The following NUP107 variants were observed in gnomAD, a reference collection of about 807,000 sequenced individuals.
NUP107 encodes the protein nuclear pore complex protein Nup107.
NUP107 carries 101 observed loss-of-function variants against 141.0 expected under a neutral mutation model. The ratio of observed to expected loss-of-function variants is 0.72; its 90% CI spans 0.61 to 0.84. NUP107 has a LOEUF of 0.84. Ranked by LOEUF, NUP107 falls within the 40% of genes least tolerant of loss-of-function variation. The pLI is 0.00. For missense variants in NUP107, 941 were observed against 1,102.7 expected (o/e 0.85, Z 2.08); for synonymous variants, 319 against 363.9 (o/e 0.88, Z 1.41).
Position 68,745,282 on chromosome 12 carries a change from C to G in NUP107, c.*2820C>G, listed in dbSNP as rs1878482183. The G allele has an allele frequency of 6.6e-6, 1 of 152,174 alleles. No homozygotes were observed. Among genetic ancestry groups the G allele is most frequent in the Admixed American group, 6.5e-5 (1 of 15,280 alleles). 9.4% of individuals were successfully genotyped at this position (152,174 alleles called of 1,614,324 possible). A position where few individuals can be genotyped will look rare whatever the true frequency, so the allele number is the denominator to read the frequency against. Reference sequence around the variant, plus strand: ...TTAATTTTATGACTGCTGAATTAATCCTAGACTCTGTCTTAAAACTAAGAA... The same window carrying G: ...TTAATTTTATGACTGCTGAATTAATGCTAGACTCTGTCTTAAAACTAAGAA... On this transcript the variant is annotated 3_prime_UTR_variant, in exon 28 of 28. Coordinates refer to ENST00000229179, the MANE Select transcript of NUP107 (RefSeq NM_020401.4).
chr12:68,726,668 C>T (rs2136038607), intron 19 of NUP107, 51 bp downstream of exon 19: 1 of 1,092,986 alleles, frequency 9.1e-7, no homozygotes, highest in Non-Finnish European at 1.4e-6. Context: ...ATGCTATATA[C>T]CTATTGTCAA....
In NUP107 at chr12:68,733,618, A is replaced by T. The variant is rs955215334; in HGVS notation, c.2262+6A>T. ...TGTGCATCAGAGCTTATTTGGTGAGACTGTAAAGAAAGCCACAGATGTGCC... is the reference window on the plus strand; with the variant it reads ...TGTGCATCAGAGCTTATTTGGTGAGTCTGTAAAGAAAGCCACAGATGTGCC... On this transcript the variant is annotated splice_donor_region_variant and intron_variant, in intron 24 of 27. Transcript: ENST00000229179. The T allele has an allele frequency of 3.8e-5, 61 of 1,599,972 alleles. No homozygotes were observed. Among genetic ancestry groups the T allele is most frequent in the Non-Finnish European group, 5.1e-5 (60 of 1,173,784 alleles).
intron 13 of NUP107, 53 bp from the exon 14 acceptor site, chr12:68,719,524 GA>G: frequency 6.4e-7 from 1 of 1,561,200 alleles, no homozygotes; most frequent in Non-Finnish European, 8.8e-7. Flanking sequence ...TTTTTAGAAA[GA>G]ATTGTAATAA....
chr12:68,687,656 G>A, intron 1 of NUP107: 2 of 985,440 alleles, frequency 2.0e-6, no homozygotes, highest in Non-Finnish European at 2.4e-6. Context: ...CCTCAAAGAA[G>A]GTAACTTTCT....
chr12:68,726,598 C>T lies in NUP107; in HGVS notation c.1676C>T (p.Thr559Ile). ...FMTHLILFFR[T>I]LGLQTKEEVS... ...ACTCACCTTATTTTGTTTTTCCGTA[C>T]TCTGGGACTACAGACCAAGGTATAT... The change falls in exon 19 of 28, where the codon ACT (threonine) becomes ATT (isoleucine). Residue 559 changes from threonine to isoleucine, a missense_variant. Coordinates refer to ENST00000229179, the MANE Select transcript of NUP107 (RefSeq NM_020401.4). 2.5e-6 allele frequency: 4 copies of T among 1,609,854 alleles called. No homozygotes were observed. The South Asian group carries it at 3.3e-5, about 13-fold the overall frequency.
At chr12:68,709,742 A>G (rs549846464) in intron 9 of NUP107, among the ~76,000 whole-genome samples, 128 of 152,140 alleles carry the variant, frequency 8.4e-4, no homozygotes, top group Non-Finnish European at 1.1e-3. Context: ...AAAAAAAATT[A>G]GCTGGGTGTG....
rs759925111 is a variant in NUP107 at position 68,732,618 on chromosome 12, T to C, written c.1999-19T>C. On this transcript the variant is annotated intron_variant, in intron 22 of 27. Transcript: ENST00000229179. ...AAACTCTGATATTCCTTTTTCTTTT[T>C]TTCCCCTTTAATAAATAGGAGGATC... The C allele has an allele frequency of 2.0e-6, 3 of 1,509,938 alleles. No individual in the cohort carries two copies. The highest frequency in any genetic ancestry group is 2.7e-6 in the Non-Finnish European group (3 of 1,109,092). The allele number at this position is 1,509,938 out of a possible 1,614,324, so 93.5% of individuals were successfully genotyped here.
intron 10 of NUP107, among the ~76,000 whole-genome samples, chr12:68,711,076 A>G (rs11177337): frequency 0.029 from 2,177 of 73,916 alleles, 231 homozygotes; most frequent in Middle Eastern, 0.061. Flanking sequence ...CTAATGCGGT[A>G]AAACCCATCT....
In NUP107 at chr12:68,690,840, T is replaced by C; in HGVS notation, c.303+94T>C. ...CACTCCCTGAACTCCTGACCTCAAG[T>C]GATTCTCCCGCCTTGGCCTCCCAGA... On this transcript the variant is annotated intron_variant, in intron 4 of 27. Coordinates refer to ENST00000229179, the MANE Select transcript of NUP107 (RefSeq NM_020401.4). The C allele has an allele frequency of 3.2e-6, 4 of 1,265,166 alleles. No homozygotes were observed. The South Asian group carries it at 5.6e-5, about 18-fold the overall frequency. The allele number at this position is 1,265,166 out of a possible 1,614,324, so 78.4% of individuals were successfully genotyped here. A position where few individuals can be genotyped will look rare whatever the true frequency, so the allele number is the denominator to read the frequency against.
At chr12:68,699,892 G>GTGTTTTTGTTTT (rs950613861) in intron 6 of NUP107, among the ~76,000 whole-genome samples, 1 of 151,832 alleles carries the variant, frequency 6.6e-6, no homozygotes, top group African/African-American at 2.4e-5. Flanking sequence ...TCCTGAAAAG[G>GTGTTTTTGTTTT]TGTTTTTGTT....
intron 20 of NUP107, among the ~76,000 whole-genome samples, chr12:68,730,214 C>CTTTTTTTTTTTTTTTTTTTT (rs756700880): frequency 3.5e-5 from 3 of 85,374 alleles, no homozygotes; most frequent in Non-Finnish European, 6.6e-5. Context: ...GTGATACTAC[C>CTTTTTTTTTTTTTTTTTTTT]TTTTTTTTTT....
At chr12:68,724,837 G>C (rs891690885) in intron 17 of NUP107, among the ~76,000 whole-genome samples, 7 of 151,736 alleles carry the variant, frequency 4.6e-5, no homozygotes, top group Non-Finnish European at 5.9e-5. Context: ...GTAGTTAGAG[G>C]GTACTTGCCT....
intron 27 of NUP107, 147 bp downstream of exon 27, chr12:68,742,127 CTT>C (rs1238652240): frequency 4.0e-6 from 3 of 750,250 alleles, no homozygotes; most frequent in Non-Finnish European, 6.2e-6. Context: ...AATGTTTGTA[CTT>C]TTTTCCCAAA....
intron 17 of NUP107, among the ~76,000 whole-genome samples, chr12:68,723,460 A>T (rs1173213556): frequency 3.9e-5 from 6 of 152,044 alleles, no homozygotes; most frequent in African/African-American, 1.4e-4. Flanking sequence ...TTTGAAATGG[A>T]TGCTGCATGC....
At chr12:68,720,100 A>G (rs1368375299) in intron 14 of NUP107, among the ~76,000 whole-genome samples, 1 of 152,208 alleles carries the variant, frequency 6.6e-6, no homozygotes, top group Admixed American at 6.5e-5. Context: ...GTAACACGAC[A>G]TAGGTATTCA....
chr12:68,714,224 A>C (rs1371507135), intron 11 of NUP107: 1 of 154,202 alleles, frequency 6.5e-6, no homozygotes, highest in Non-Finnish European at 1.4e-5. Context: ...TATTCTAAAA[A>C]CAAAGGAATG....
intron 20 of NUP107, among the ~76,000 whole-genome samples, chr12:68,729,631 C>T (rs1191068697): frequency 3.3e-5 from 5 of 151,726 alleles, no homozygotes; most frequent in East Asian, 1.9e-4. Flanking sequence ...TTAGTAGAGA[C>T]GGGGTTTCAC....
rs1201795683 is a variant in NUP107 at position 68,733,459 on chromosome 12, AAAG to A, written c.2110_2112del (p.Lys704del). 1 of 1,608,828 alleles carries A rather than the reference AAAG, an allele frequency of 6.2e-7. No individual in the cohort carries two copies. Among genetic ancestry groups the A allele is most frequent in the Non-Finnish European group, 8.5e-7 (1 of 1,177,824 alleles). On this transcript the variant is annotated inframe_deletion, in exon 24 of 28. Coordinates refer to ENST00000229179, the MANE Select transcript of NUP107 (RefSeq NM_020401.4). ...GTGTATCTTTTTTCACAGCATCAAA[AAAG>A]CACGAAGCTGCAAAAGAAGTATTTG...
intron 1 of NUP107, 122 bp downstream of exon 1, chr12:68,687,195 C>A: frequency 7.3e-7 from 1 of 1,364,478 alleles, no homozygotes; most frequent in Non-Finnish European, 1.0e-6. Flanking sequence ...TCCCCTAAGG[C>A]TCCTTCCCCA....
Sources: allele counts gnomAD v4.1 joint callset (sites outside exome capture counted in the v4.1 genomes callset), GRCh38; gene constraint gnomAD v4.1.1; transcripts MANE v1.5; gene names NCBI Gene and HGNC (gene_info 2026-07-23, HGNC 2026-07-21).